The following CDKAL1 variants were observed in gnomAD, a reference collection of about 807,000 sequenced individuals.
The protein encoded by CDKAL1 is CDKAL1 threonylcarbamoyladenosine tRNA methylthiotransferase, also known as threonylcarbamoyladenosine tRNA methylthiotransferase.
In CDKAL1, 32 loss-of-function variants were observed where a neutral mutation model predicts 68.2. The observed-to-expected ratio is 0.47, with a 90% CI of 0.35 to 0.63. CDKAL1 has a LOEUF of 0.63. Among genes scored for constraint, CDKAL1 ranks in the 30% least tolerant of loss-of-function variants. The pLI is 0.00. For missense variants in CDKAL1, 606 were observed against 696.7 expected (o/e 0.87, Z 1.47); for synonymous variants, 234 against 244.3 (o/e 0.96, Z 0.39).
intron 5 of CDKAL1, among the ~76,000 whole-genome samples, chr6:20,695,456 CT>C (rs1350498792): frequency 2.6e-5 from 4 of 152,146 alleles, no homozygotes; most frequent in Admixed American, 2.6e-4. Flanking sequence ...ACATCATTTT[CT>C]CATATCATTT....
chr6:20,676,780 A>G (rs1770135838), intron 5 of CDKAL1, among the ~76,000 whole-genome samples: 1 of 152,100 alleles, frequency 6.6e-6, no homozygotes, highest in East Asian at 1.9e-4. Context: ...ACTGTGTTAC[A>G]GTTATCCACA....
At chr6:21,138,596 C>A (rs913804159) in intron 13 of CDKAL1, among the ~76,000 whole-genome samples, 4 of 152,172 alleles carry the variant, frequency 2.6e-5, no homozygotes, top group Admixed American at 6.5e-5. Flanking sequence ...ACAACTGATT[C>A]ATAGTCAGTA....
At chr6:20,921,434 A>G (rs868676593) in intron 9 of CDKAL1, among the ~76,000 whole-genome samples, 7 of 152,224 alleles carry the variant, frequency 4.6e-5, no homozygotes, top group African/African-American at 1.7e-4. Flanking sequence ...CTCAAAATAA[A>G]TAAATAAATA....
intron 12 of CDKAL1, among the ~76,000 whole-genome samples, chr6:21,071,373 T>TG (rs1263799759): frequency 6.6e-6 from 1 of 152,170 alleles, no homozygotes; most frequent in African/African-American, 2.4e-5. Context: ...AGGGGGTGCC[T>TG]GCTGCCCCTT....
chr6:20,819,660 G>C (rs1367450035), intron 8 of CDKAL1, among the ~76,000 whole-genome samples: 1 of 151,994 alleles, frequency 6.6e-6, no homozygotes, highest in Admixed American at 6.6e-5. Context: ...TATATCGAAC[G>C]CTTTGGTCAT....
chr6:20,957,008 T>TAAAAAAAAAA (rs70990087), intron 10 of CDKAL1, among the ~76,000 whole-genome samples: 9 of 113,810 alleles, frequency 7.9e-5, no homozygotes, highest in African/African-American at 1.7e-4. Context: ...TGATTCTCTG[T>TAAAAAAAAAA]AAAAAAAAAA....
At chr6:20,742,834 A>G (rs1386764904) in intron 6 of CDKAL1, among the ~76,000 whole-genome samples, 1 of 152,032 alleles carries the variant, frequency 6.6e-6, no homozygotes, top group Non-Finnish European at 1.5e-5. Flanking sequence ...ATCATTTTGT[A>G]GAGCATTTTT....
intron 10 of CDKAL1, among the ~76,000 whole-genome samples, chr6:20,965,309 G>A (rs1033055387): frequency 1.4e-5 from 2 of 141,602 alleles, no homozygotes; most frequent in East Asian, 2.3e-4. Flanking sequence ...CCTGTATCTT[G>A]AGAAGAGAAG....
At chr6:20,737,379 C>G (rs1445788201) in intron 5 of CDKAL1, among the ~76,000 whole-genome samples, 2 of 152,180 alleles carry the variant, frequency 1.3e-5, no homozygotes, top group Non-Finnish European at 2.9e-5. Flanking sequence ...AAGCACTTGT[C>G]TTCTTCATTA....
At chr6:20,920,571 A>T (rs1422764933) in intron 9 of CDKAL1, among the ~76,000 whole-genome samples, 2 of 152,216 alleles carry the variant, frequency 1.3e-5, no homozygotes, top group Non-Finnish European at 2.9e-5. Flanking sequence ...TCAAAGAATC[A>T]GATTCTTTGT....
chr6:20,738,696 G>T (rs887560292), intron 5 of CDKAL1, among the ~76,000 whole-genome samples: 1 of 151,870 alleles, frequency 6.6e-6, no homozygotes, highest in Non-Finnish European at 1.5e-5. Context: ...ACAAGGTCTC[G>T]CGATGTTGCC....
chr6:21,096,066 A>G (rs1773298085), intron 12 of CDKAL1, among the ~76,000 whole-genome samples: 1 of 152,218 alleles, frequency 6.6e-6, no homozygotes, highest in Non-Finnish European at 1.5e-5. Flanking sequence ...TCAAACCTAC[A>G]TTGTCATGTC....
At chr6:20,695,789 A>C (rs989217273) in intron 5 of CDKAL1, among the ~76,000 whole-genome samples, 3 of 152,056 alleles carry the variant, frequency 2.0e-5, no homozygotes, top group Non-Finnish European at 2.9e-5. Flanking sequence ...CATTTTATCC[A>C]TTTTTACCAT....
intron 8 of CDKAL1, among the ~76,000 whole-genome samples, chr6:20,813,368 T>C (rs1009806141): frequency 6.6e-6 from 1 of 152,232 alleles, no homozygotes; most frequent in African/African-American, 2.4e-5. Flanking sequence ...CTTTATTGGC[T>C]ATGTGTTGAA....
At chr6:20,767,744 A>T (rs1284825129) in intron 7 of CDKAL1, among the ~76,000 whole-genome samples, 1 of 152,198 alleles carries the variant, frequency 6.6e-6, no homozygotes. Flanking sequence ...AATCGATTTG[A>T]ACATTTATTT....
At chr6:20,843,192 CACA>C (rs1778243165) in intron 8 of CDKAL1, among the ~76,000 whole-genome samples, 1 of 152,016 alleles carries the variant, frequency 6.6e-6, no homozygotes, top group African/African-American at 2.4e-5. Flanking sequence ...GTTTAATAGT[CACA>C]TTAACCTACC....
rs143924400 is a variant in CDKAL1 at position 20,799,222 on chromosome 6, T to A, written c.638+17957T>A. Among the ~76,000 whole-genome samples, 713 of 151,962 alleles carry A rather than the reference T, an allele frequency of 4.7e-3. 3 individuals are homozygous for A. The highest frequency in any genetic ancestry group is 0.016 in the African/African-American group (661 of 41,434). ...CACGCACCACCGCACCTGGCTAATT[T>A]TGTATTTTTAGTAGAGACGGGGTTT... On this transcript the variant is annotated intron_variant, in intron 8 of 15. Transcript: ENST00000274695.
chr6:20,891,645 C>T (rs1480393060), intron 9 of CDKAL1, among the ~76,000 whole-genome samples: 2 of 151,182 alleles, frequency 1.3e-5, no homozygotes, highest in Non-Finnish European at 2.9e-5. Flanking sequence ...AGCGATTCTC[C>T]TGCCTCAGCC....
intron 9 of CDKAL1, among the ~76,000 whole-genome samples, chr6:20,931,973 G>A (rs1763482791): frequency 6.6e-6 from 1 of 152,120 alleles, no homozygotes; most frequent in African/African-American, 2.4e-5. Context: ...CTCTGCGTTA[G>A]TGCCCACACA....
Sources: gnomAD v4.1 joint callset for allele counts (sites outside exome capture counted in the v4.1 genomes callset) on GRCh38, gnomAD v4.1.1 for gene constraint, MANE v1.5 for transcripts, NCBI Gene and HGNC (gene_info 2026-07-23, HGNC 2026-07-21) for gene names.